The following ABCA3 variants were observed in gnomAD, a reference collection of about 807,000 sequenced individuals.
The protein encoded by ABCA3 is phospholipid-transporting ATPase ABCA3.
Under a neutral mutation model 172.8 loss-of-function variants are expected in ABCA3, and 88 were observed. That is an observed-to-expected ratio of 0.51 (90% CI 0.43 to 0.61). The LOEUF is 0.61. ABCA3 is among the 20% of genes least tolerant of loss of function. The probability of loss-of-function intolerance (pLI) is 0.00; values close to 1 mark genes in which losing one functional copy is unlikely to be tolerated. For missense variants in ABCA3, 2,164 were observed against 2,301.0 expected, an observed-to-expected ratio of 0.94 and a Z score of 1.22; for synonymous variants, 1,066 against 983.8, an observed-to-expected ratio of 1.08 and a Z score of -1.56.
chr16:2,296,251 A>G (rs1174175964), intron 17 of ABCA3, among the ~76,000 whole-genome samples: 1 of 146,706 alleles, frequency 6.8e-6, no homozygotes, highest in African/African-American at 2.5e-5. Context: ...TTTTTTTTTG[A>G]GACAAGTCTC....
intron 7 of ABCA3, among the ~76,000 whole-genome samples, chr16:2,322,785 A>G (rs1313420398): frequency 1.3e-5 from 2 of 152,058 alleles, no homozygotes; most frequent in African/African-American, 4.8e-5. Context: ...AATGGCAACA[A>G]AAGCCAAAAT....
At chr16:2,313,312 T>C (rs2093709473) in intron 10 of ABCA3, among the ~76,000 whole-genome samples, 1 of 152,004 alleles carries the variant, frequency 6.6e-6, no homozygotes. Context: ...CCCAGCACTT[T>C]GGGAGGCTGA....
chr16:2,323,629 GC>G lies in ABCA3; in HGVS notation c.506del (p.Gly169AlafsTer5). On this transcript the variant is annotated frameshift_variant, in exon 7 of 33. Coordinates refer to ENST00000301732, the MANE Select transcript of ABCA3 (RefSeq NM_001089.3). LOFTEE classifies it high-confidence loss of function. ...TRRNYMWTQT[G>X]SFFLKETEGW... ...CTTCTGTCTCTTTCAGGAAAAAGGA[GC>G]CTGTTTGGGTCCACATGTAATTTCT... 1 of 1,614,142 alleles carries G rather than the reference GC, an allele frequency of 6.2e-7. No individual in the cohort carries two copies.
At position 2,323,684 on chromosome 16, in the gene ABCA3, T is replaced by C; in HGVS notation, c.452A>G (p.Lys151Arg). 1 of 1,614,106 alleles carries C rather than the reference T, an allele frequency of 6.2e-7. No individual in the cohort carries two copies. The highest frequency in any genetic ancestry group is 8.5e-7 in the Non-Finnish European group (1 of 1,179,974). The change falls in exon 7 of 33, where the codon AAA becomes AGA. Residue 151 changes from lysine (K) to arginine (R), a missense_variant. This residue lies in a region of ABCA3 where 1,343 missense variants were observed against 1,369.6 expected (regional missense o/e 0.98). Coordinates refer to ENST00000301732, the MANE Select transcript of ABCA3 (RefSeq NM_001089.3). ...TGTGTAACTGAACCGTAGGTGATAT[T>C]TCACCTGTGGAAACAAAGAGAAAAC... is the stretch of plus-strand genomic sequence containing the variant. Reference protein sequence around the residue: ...HSKEPLPLAVKYHLRFSYTRR... With the variant: ...HSKEPLPLAVRYHLRFSYTRR...
chr16:2,322,055 G>C (rs1445481354), intron 7 of ABCA3, among the ~76,000 whole-genome samples: 1 of 152,064 alleles, frequency 6.6e-6, no homozygotes, highest in Non-Finnish European at 1.5e-5. Context: ...AAAATTAGCT[G>C]GGCGTGGTGG....
chr16:2,303,680 C>T (rs1185820657), intron 12 of ABCA3, among the ~76,000 whole-genome samples: 3 of 152,166 alleles, frequency 2.0e-5, no homozygotes, highest in African/African-American at 2.4e-5. Flanking sequence ...GCAGAGGCTG[C>T]GTGCGTGGGT....
At chr16:2,289,309 C>T (rs1234571546) in intron 20 of ABCA3, 125 bp downstream of exon 20, 14 of 1,210,862 alleles carry the variant, frequency 1.2e-5, no homozygotes, top group African/African-American at 1.5e-5. Flanking sequence ...GCCCTCTGCC[C>T]GGTGTGCTGA....
At position 2,281,632 on chromosome 16, in the gene ABCA3, C is replaced by T. The variant is rs1344513181; in HGVS notation, c.4036-123G>A. ...GACTAAGGCCTTCAAGGCTTCTCGT[C>T]CCAATCTCAGGCCCCACAGGTGCGA... On this transcript the variant is annotated intron_variant, in intron 26 of 32. Transcript: ENST00000301732. This position sits in a 1 kb window ranked among gnomAD's most constrained non-coding sequence, Gnocchi z 4.7. 7.9e-7 allele frequency: 1 copy of T among 1,269,892 alleles called. No homozygotes were observed. The highest frequency in any genetic ancestry group is 1.1e-6 in the Non-Finnish European group (1 of 896,252). 78.7% of individuals were successfully genotyped at this position (1,269,892 alleles called of 1,614,324 possible). A position where few individuals can be genotyped will look rare whatever the true frequency, so the allele number is the denominator to read the frequency against.
intron 10 of ABCA3, among the ~76,000 whole-genome samples, chr16:2,311,252 G>A (rs977236407): frequency 1.3e-5 from 2 of 152,228 alleles, no homozygotes; most frequent in East Asian, 1.9e-4. Context: ...AATTACAGGC[G>A]TGAGCCACCG....
At chr16:2,308,790 G>A (rs2093702060) in intron 10 of ABCA3, among the ~76,000 whole-genome samples, 167 bp from the exon 11 acceptor site, 1 of 152,132 alleles carries the variant, frequency 6.6e-6, no homozygotes, top group Non-Finnish European at 1.5e-5. Context: ...GGGACACCAG[G>A]TGTGGCCGGC....
chr16:2,276,362 C>A lies in ABCA3; in HGVS notation c.*312G>T, dbSNP rs79337915. 43 of 522,034 alleles carry A rather than the reference C, an allele frequency of 8.2e-5. No individual in the cohort carries two copies. The East Asian group carries it at 2.1e-3, about 25-fold the overall frequency. The allele number at this position is 522,034 out of a possible 1,614,324, so 32.3% of individuals were successfully genotyped here. A position where few individuals can be genotyped will look rare whatever the true frequency, so the allele number is the denominator to read the frequency against. The stretch of plus-strand genomic sequence containing the variant: ...GTGCCTGGAGAAATTCAACCCCCAG[C>A]TCAGCTGCAGCCCTTCCTGGGTCAG... On this transcript the variant is annotated 3_prime_UTR_variant, in exon 33 of 33. Transcript: ENST00000301732.
At chr16:2,331,344 A>G (rs2093742868) in intron 1 of ABCA3, among the ~76,000 whole-genome samples, 1 of 152,144 alleles carries the variant, frequency 6.6e-6, no homozygotes, top group Non-Finnish European at 1.5e-5. Flanking sequence ...AGCTACAGGC[A>G]CATGCCACCA....
At position 2,287,944 on chromosome 16, in the gene ABCA3, A is replaced by G; in HGVS notation, c.3004+82T>C. On this transcript the variant is annotated intron_variant, in intron 21 of 32. Coordinates refer to ENST00000301732, the MANE Select transcript of ABCA3 (RefSeq NM_001089.3). This position sits in a 1 kb window ranked among gnomAD's most constrained non-coding sequence, Gnocchi z 4.1. ...CAAGAACCATCCTCCCCAGATGTCG[A>G]CCCTGCTGCAGTCAGGAAGGCGAAC... 1 of 1,544,244 alleles carries G rather than the reference A, an allele frequency of 6.5e-7. No homozygotes were observed. Among genetic ancestry groups the G allele is most frequent in the Non-Finnish European group, 8.8e-7 (1 of 1,136,982 alleles).
chr16:2,316,140 GA>G (rs534232946), intron 10 of ABCA3, among the ~76,000 whole-genome samples: 146 of 57,824 alleles, frequency 2.5e-3, no homozygotes, highest in South Asian at 8.2e-3. Context: ...AACATGGTGA[GA>G]AAAAAAAAAA....
chr16:2,278,430 C>T lies in ABCA3; in HGVS notation c.4576G>A (p.Gly1526Ser), dbSNP rs770870190. ...SGGNKRKLST[G>S]IALIGEPAVI... ...GCAGGCTCTCCGATCAGGGCGATGC[C>T]GGTGCTCAGCTTCCGCTTGTTACCA... Residue 1526 changes from glycine to serine, a missense_variant, in exon 30 of 33, where the codon GGC (glycine) becomes AGC (serine). Physicochemically the swap from Gly to Ser is moderately conservative, Grantham distance 56 (BLOSUM62 0). This residue lies in a region of ABCA3 where 795 missense variants were observed against 881.9 expected (regional missense o/e 0.90). Coordinates refer to ENST00000301732, the MANE Select transcript of ABCA3 (RefSeq NM_001089.3). The surrounding 1 kb of genome is among the most constrained non-coding windows in gnomAD (Gnocchi z 4.4). 4.3e-6 allele frequency: 7 copies of T among 1,612,584 alleles called. No individual in the cohort carries two copies. Among genetic ancestry groups the T allele is most frequent in the African/African-American group, 1.3e-5 (1 of 74,934 alleles).
In ABCA3 at chr16:2,288,294, G is replaced by A; in HGVS notation, c.2736C>T (p.Phe912=). 6.3e-7 allele frequency: 1 copy of A among 1,574,936 alleles called. No individual in the cohort carries two copies. The highest frequency in any genetic ancestry group is 8.6e-7 in the Non-Finnish European group (1 of 1,162,556). ...ALHCQQFWAM[F]LKKAAYSWRE... is the part of the protein sequence containing the mutation. ...GCCAGCTGTATGCGGCCTTCTTCAG[G>A]AACATGGCCCAGAATTGCTGGCAGT... Residue 912 remains phenylalanine, a synonymous_variant, in exon 21 of 33, where the codon TTC becomes TTT. Coordinates refer to ENST00000301732, the MANE Select transcript of ABCA3 (RefSeq NM_001089.3).
At chr16:2,304,271 G>T in intron 11 of ABCA3, 121 bp from the exon 12 acceptor site, 1 of 1,014,488 alleles carries the variant, frequency 9.9e-7, no homozygotes. Flanking sequence ...TGGTTGGCAT[G>T]CCTTTTCCCT....
Position 2,317,394 on chromosome 16 carries a change from T to G in ABCA3, c.1000A>C (p.Asn334His), listed in dbSNP as rs2093717695. The part of the protein sequence containing the change: ...TLLFCVKVKP[N>H]VAVLSRSDPS... ...TCGCTGCGGGACAGCACGGCTACATTTGGCTTCACCTGCAGGGCACAGGCA... is the reference window on the plus strand; with the variant it reads ...TCGCTGCGGGACAGCACGGCTACATGTGGCTTCACCTGCAGGGCACAGGCA... The change falls in exon 10 of 33, where the codon AAT becomes CAT. Residue 334 changes from asparagine to histidine, a missense_variant. Physicochemically the swap from Asn to His is moderately conservative, Grantham distance 68. Coordinates refer to ENST00000301732, the MANE Select transcript of ABCA3 (RefSeq NM_001089.3). 3 of 1,613,442 alleles carry G rather than the reference T, an allele frequency of 1.9e-6. No homozygotes were observed. Among genetic ancestry groups the G allele is most frequent in the Non-Finnish European group, 2.5e-6 (3 of 1,179,890 alleles).
In ABCA3 at chr16:2,301,983, C is replaced by A. The variant is rs991394891; in HGVS notation, c.1468-1835G>T. ...ACCTGGCCCGCCCAGGGCGGAAAAC[C>A]GCTTAAAGGCATTCTTAAGCCGCAA... On this transcript the variant is annotated intron_variant, in intron 12 of 32. Coordinates refer to ENST00000301732, the MANE Select transcript of ABCA3 (RefSeq NM_001089.3). Among the ~76,000 whole-genome samples, 5 of 152,370 alleles carry A rather than the reference C, an allele frequency of 3.3e-5. 1 individual carries two copies. The South Asian group carries it at 1.0e-3, about 32-fold the overall frequency.
Sources: gnomAD v4.1 joint callset for allele counts (sites outside exome capture counted in the v4.1 genomes callset) on GRCh38, gnomAD v4.1.1 for gene constraint, gnomAD v4.1.1 regional missense constraint, Gnocchi (gnomAD v3.1) non-coding constraint, MANE v1.5 for transcripts, NCBI Gene and HGNC (gene_info 2026-07-23, HGNC 2026-07-21) for gene names.